Variants in NAALADL2 observed in about 807,000 individuals in gnomAD.
NAALADL2 encodes N-acetylated alpha-linked acidic dipeptidase like 2, also known as inactive N-acetylated-alpha-linked acidic dipeptidase-like protein 2.
A neutral mutation model predicts 87.2 loss-of-function variants in NAALADL2; 76 were observed. The observed-to-expected ratio is 0.87, with a 90% CI of 0.72 to 1.05. NAALADL2 has a LOEUF of 1.05. NAALADL2 is among the 50% of genes least tolerant of loss of function. The pLI is 0.00. For missense variants in NAALADL2, 1,089 were observed against 945.8 expected, an observed-to-expected ratio of 1.15 and a Z score of -1.99; for synonymous variants, 354 against 331.0, an observed-to-expected ratio of 1.07 and a Z score of -0.75.
At chr3:175,552,882 ATTTAAT>A (rs1490124648) in intron 9 of NAALADL2, among the ~76,000 whole-genome samples, 1 of 152,134 alleles carries the variant, frequency 6.6e-6, no homozygotes, top group Non-Finnish European at 1.5e-5. Context: ...ATATAATCTC[ATTTAAT>A]TTTAAGTGAT....
chr3:174,738,376 A>C (rs1733417127), intron 3 of NAALADL2, among the ~76,000 whole-genome samples: 2 of 152,226 alleles, frequency 1.3e-5, no homozygotes, highest in African/African-American at 4.8e-5. Flanking sequence ...CTTCAGGAAC[A>C]TAGACAAATC....
At chr3:175,175,685 C>G (rs967218991) in intron 2 of NAALADL2, among the ~76,000 whole-genome samples, 1 of 152,062 alleles carries the variant, frequency 6.6e-6, no homozygotes, top group Non-Finnish European at 1.5e-5. Context: ...TGTCTATCAA[C>G]TTCAGTTTCA....
chr3:175,253,791 G>T (rs1011779566), intron 3 of NAALADL2, among the ~76,000 whole-genome samples: 1 of 152,150 alleles, frequency 6.6e-6, no homozygotes, highest in Non-Finnish European at 1.5e-5. Context: ...AGTTTGAGGG[G>T]TTCAAGATTT....
intron 1 of NAALADL2, among the ~76,000 whole-genome samples, chr3:175,044,058 T>C (rs556211870): frequency 3.9e-4 from 59 of 152,186 alleles, no homozygotes; most frequent in Non-Finnish European, 6.8e-4. Context: ...CTTTCATCAA[T>C]GTTTTATAGT....
In NAALADL2 at chr3:175,737,389, CAACCTT is replaced by C; in HGVS notation, c.1983_1988del (p.Asn661_Leu662del). The C allele has an allele frequency of 4.4e-6, 7 of 1,594,482 alleles. No homozygotes were observed. The highest frequency in any genetic ancestry group is 6.0e-6 in the Non-Finnish European group (7 of 1,163,446). On this transcript the variant is annotated inframe_deletion, in exon 12 of 14. Transcript: ENST00000454872. ...TTGATATAGCTTTAGAAGTTCAAAA[CAACCTT>C]AAAGGTAATTTTCCTTTGAATTATA...
chr3:175,547,666 A>G (rs2149483540), intron 9 of NAALADL2, among the ~76,000 whole-genome samples: 1 of 152,314 alleles, frequency 6.6e-6, no homozygotes, highest in Admixed American at 6.5e-5. Flanking sequence ...TGCTTCTGAC[A>G]AAGTTCTAAT....
intron 5 of NAALADL2, among the ~76,000 whole-genome samples, chr3:175,388,807 A>G (rs373023620): frequency 2.0e-5 from 3 of 152,060 alleles, no homozygotes; most frequent in East Asian, 1.9e-4. Flanking sequence ...CCTAGACTCC[A>G]CCTCTAACTG....
chr3:175,367,909 A>G (rs1020894428), intron 5 of NAALADL2, among the ~76,000 whole-genome samples: 41 of 152,152 alleles, frequency 2.7e-4, no homozygotes, highest in Non-Finnish European at 4.9e-4. Context: ...AGGAGAGGTG[A>G]GAGAGGGCAT....
intron 11 of NAALADL2, among the ~76,000 whole-genome samples, chr3:175,663,177 A>T (rs1213601931): frequency 6.9e-6 from 1 of 144,902 alleles, no homozygotes; most frequent in Non-Finnish European, 1.5e-5. Context: ...TTTTATTTTA[A>T]TTTTTCTGCC....
intron 4 of NAALADL2, among the ~76,000 whole-genome samples, chr3:175,257,629 G>A (rs531214621): frequency 8.5e-5 from 13 of 152,158 alleles, no homozygotes; most frequent in Middle Eastern, 6.8e-3. Flanking sequence ...AGTAATGCCC[G>A]ATGATGTGAC....
chr3:175,402,115 T>A (rs1490075414), intron 5 of NAALADL2, among the ~76,000 whole-genome samples: 2 of 152,098 alleles, frequency 1.3e-5, no homozygotes, highest in East Asian at 1.9e-4. Flanking sequence ...TAAATTTAAA[T>A]TTTTCAGGTA....
At chr3:175,719,898 C>T (rs1366832551) in intron 11 of NAALADL2, among the ~76,000 whole-genome samples, 1 of 152,158 alleles carries the variant, frequency 6.6e-6, no homozygotes. Flanking sequence ...TGCACAGTCT[C>T]CTCATGTGAT....
chr3:175,134,455 GT>G (rs1308656327), intron 2 of NAALADL2, among the ~76,000 whole-genome samples: 4 of 152,082 alleles, frequency 2.6e-5, no homozygotes, highest in South Asian at 4.1e-4. Context: ...TTTCATGACT[GT>G]TTTGTAGCTT....
intron 11 of NAALADL2, among the ~76,000 whole-genome samples, chr3:175,673,148 T>G (rs1190261505): frequency 6.6e-6 from 1 of 152,210 alleles, no homozygotes; most frequent in African/African-American, 2.4e-5. Context: ...TCTGTCATCT[T>G]TATCTTACCT....
chr3:175,362,208 T>G (rs1306441290), intron 5 of NAALADL2, among the ~76,000 whole-genome samples: 1 of 148,204 alleles, frequency 6.7e-6, no homozygotes, highest in Non-Finnish European at 1.5e-5. Context: ...AGGGCTCTGT[T>G]CTGTTCCATT....
At chr3:175,362,146 T>C (rs1765088529) in intron 5 of NAALADL2, among the ~76,000 whole-genome samples, 1 of 148,330 alleles carries the variant, frequency 6.7e-6, no homozygotes, top group Non-Finnish European at 1.5e-5. Context: ...TTTATTGTTT[T>C]TGTCAGGTTT....
chr3:175,506,876 A>G (rs1345097065), intron 9 of NAALADL2, among the ~76,000 whole-genome samples: 2 of 152,138 alleles, frequency 1.3e-5, no homozygotes, highest in Non-Finnish European at 2.9e-5. Flanking sequence ...TTTTAGCCTC[A>G]CTTGCTATGA....
rs1489766721 is a variant in NAALADL2 at position 174,882,794 on chromosome 3, T to TAC, written c.43+23347_43+23348dup. On this transcript the variant is annotated intron_variant, in intron 1 of 13. Transcript: ENST00000454872. ...GTGTATATATACATATGTGTATATATACACGTGTGTATATGTGCATATGTG... is the reference window on the plus strand; with the variant it reads ...GTGTATATATACATATGTGTATATATACACACGTGTGTATATGTGCATATGTG... Among the ~76,000 whole-genome samples the TAC allele has an allele frequency of 7.0e-3, 736 of 104,752 alleles. 8 individuals carry two copies. The highest frequency in any genetic ancestry group is 0.035 in the African/African-American group (696 of 20,022). 68.7% of individuals were successfully genotyped at this position (104,752 alleles called of 152,430 possible). A position where few individuals can be genotyped will look rare whatever the true frequency, so the allele number is the denominator to read the frequency against.
intron 1 of NAALADL2, chr3:174,864,132 T>C (rs2109556268): frequency 2.2e-6 from 1 of 451,408 alleles, no homozygotes; most frequent in African/African-American, 2.0e-5. Flanking sequence ...AAGGTGCATG[T>C]GAAGATGGAC....
Sources: allele counts gnomAD v4.1 joint callset (sites outside exome capture counted in the v4.1 genomes callset), GRCh38; gene constraint gnomAD v4.1.1; transcripts MANE v1.5; gene names NCBI Gene and HGNC (gene_info 2026-07-23, HGNC 2026-07-21).